MAGI2: variants seen among roughly 807,000 people sequenced by gnomAD.
MAGI2 encodes the protein membrane associated guanylate kinase, WW and PDZ domain containing 2.
In MAGI2, 35 loss-of-function variants were observed where a neutral mutation model predicts 133.3. The observed-to-expected ratio is 0.26, with a 90% CI of 0.20 to 0.35. The LOEUF (loss-of-function observed/expected upper bound fraction) is 0.35. MAGI2 is among the 10% of genes least tolerant of loss of function. The pLI is 1.00. For missense variants in MAGI2, 1,636 were observed against 1,863.4 expected, an observed-to-expected ratio of 0.88 and a Z score of 2.25; for synonymous variants, 729 against 710.6, an observed-to-expected ratio of 1.03 and a Z score of -0.41.
At chr7:79,364,543 G>C (rs1842571218) in intron 1 of MAGI2, among the ~76,000 whole-genome samples, 2 of 151,978 alleles carry the variant, frequency 1.3e-5, no homozygotes, top group African/African-American at 4.8e-5. Context: ...ATTAAAGCTT[G>C]CTACATAGCT....
chr7:79,452,835 C>T, intron 1 of MAGI2, 185 bp downstream of exon 1: 1 of 627,848 alleles, frequency 1.6e-6, no homozygotes, highest in South Asian at 2.2e-5. Flanking sequence ...CAACCTGCCC[C>T]TCCCCTCCCT....
intron 15 of MAGI2, among the ~76,000 whole-genome samples, chr7:78,164,537 C>A (rs976440408): frequency 1.3e-5 from 2 of 152,206 alleles, no homozygotes; most frequent in Admixed American, 6.5e-5. Context: ...AAATGGGTGA[C>A]ATGGTTGCAG....
intron 2 of MAGI2, among the ~76,000 whole-genome samples, chr7:78,857,346 T>A (rs1317279754): frequency 2.0e-5 from 3 of 152,178 alleles, no homozygotes; most frequent in African/African-American, 7.2e-5. Context: ...TCAAAGGGAA[T>A]GCTTCCAGTT....
At chr7:79,273,869 C>T (rs988882704) in intron 1 of MAGI2, among the ~76,000 whole-genome samples, 3 of 152,016 alleles carry the variant, frequency 2.0e-5, no homozygotes, top group Non-Finnish European at 4.4e-5. Flanking sequence ...TTATTACTAT[C>T]TGCTCTTGAG....
At chr7:78,995,165 C>T (rs1389486092) in intron 2 of MAGI2, among the ~76,000 whole-genome samples, 1 of 151,410 alleles carries the variant, frequency 6.6e-6, no homozygotes, top group Non-Finnish European at 1.5e-5. Flanking sequence ...CTAACAAAAG[C>T]TGATGAAAAA....
rs148580718 is a variant in MAGI2, at chr7:78,168,058, G to T, written c.2454C>A (p.Arg818=). 6.2e-7 allele frequency: 1 copy of T among 1,614,108 alleles called. No homozygotes were observed. Among genetic ancestry groups the T allele is most frequent in the South Asian group, 1.1e-5 (1 of 91,080 alleles). The change falls in exon 15 of 22, where the codon CGC becomes CGA. Residue 818 remains arginine, a synonymous_variant. Transcript: ENST00000354212. ...IAMGSADRDG[R]LHPGDELVYV... ...ACACAAGCTCATCTCCTGGGTGAAG[G>T]CGGCCATCTCTGTCGGCTGAGCCCA...
intron 1 of MAGI2, among the ~76,000 whole-genome samples, chr7:79,218,493 T>C (rs918540218): frequency 6.6e-6 from 1 of 152,020 alleles, no homozygotes; most frequent in African/African-American, 2.4e-5. Context: ...AACACAAATA[T>C]CGTCTCTGAA....
chr7:78,545,374 G>A (rs1418375758), intron 3 of MAGI2, among the ~76,000 whole-genome samples: 8 of 151,656 alleles, frequency 5.3e-5, no homozygotes, highest in South Asian at 2.1e-4. Context: ...CACCATGCCC[G>A]GCTAATTTTT....
At chr7:79,001,443 T>C (rs1156262729) in intron 2 of MAGI2, among the ~76,000 whole-genome samples, 2 of 152,196 alleles carry the variant, frequency 1.3e-5, no homozygotes, top group African/African-American at 4.8e-5. Flanking sequence ...CTTCTCCACA[T>C]TCTTTGGTAT....
chr7:78,461,401 T>TGTGTGTGC lies in MAGI2; in HGVS notation c.1045+28359_1045+28360insGCACACAC, dbSNP rs1454713668. ...CTGGACACGTGTGTGTGCGTGTGTGTGTGTGTGTGTGTGTGTGTGTGTGTT... is the reference window on the plus strand; with the variant it reads ...CTGGACACGTGTGTGTGCGTGTGTGTGTGTGTGCGTGTGTGTGTGTGTGTGTGTGTGTT... On this transcript the variant is annotated intron_variant, in intron 6 of 21. Coordinates refer to ENST00000354212, the MANE Select transcript of MAGI2 (RefSeq NM_012301.4). Among the ~76,000 whole-genome samples, 243 of 100,944 alleles carry TGTGTGTGC rather than the reference T, an allele frequency of 2.4e-3. 1 individual carries two copies. The highest frequency in any genetic ancestry group is 9.4e-3 in the Middle Eastern group (2 of 212). The allele number at this position is 100,944 out of a possible 152,430, so 66.2% of individuals were successfully genotyped here. A position where few individuals can be genotyped will look rare whatever the true frequency, so the allele number is the denominator to read the frequency against.
At chr7:79,056,926 T>C (rs1813198002) in intron 1 of MAGI2, among the ~76,000 whole-genome samples, 1 of 152,224 alleles carries the variant, frequency 6.6e-6, no homozygotes, top group Non-Finnish European at 1.5e-5. Flanking sequence ...TTGTTTTTTC[T>C]AGATATTTTC....
intron 6 of MAGI2, among the ~76,000 whole-genome samples, chr7:78,398,499 G>A (rs1308613850): frequency 6.6e-6 from 1 of 152,088 alleles, no homozygotes; most frequent in Non-Finnish European, 1.5e-5. Flanking sequence ...ACTTTAGACA[G>A]GTTTCTTCCT....
intron 2 of MAGI2, among the ~76,000 whole-genome samples, chr7:78,669,548 G>C (rs371217953): frequency 6.6e-6 from 1 of 151,948 alleles, no homozygotes; most frequent in Non-Finnish European, 1.5e-5. Context: ...AGAAAAAGAG[G>C]GAATCCTCCC....
intron 1 of MAGI2, among the ~76,000 whole-genome samples, chr7:79,348,626 T>C (rs1403326477): frequency 6.6e-6 from 1 of 151,844 alleles, no homozygotes; most frequent in African/African-American, 2.4e-5. Flanking sequence ...ACTATTTTTA[T>C]CTAAGTTTCT....
intron 6 of MAGI2, among the ~76,000 whole-genome samples, chr7:78,385,533 TTGC>T (rs969690717): frequency 1.3e-5 from 2 of 152,176 alleles, no homozygotes; most frequent in African/African-American, 4.8e-5. Flanking sequence ...TAAGGCATCA[TTGC>T]TGCTTATTAA....
intron 20 of MAGI2, among the ~76,000 whole-genome samples, chr7:78,115,977 C>G (rs117893534): frequency 0.024 from 3,584 of 152,246 alleles, 66 homozygotes; most frequent in Non-Finnish European, 0.033. Flanking sequence ...ATCCAATGAA[C>G]AAATCTATAC....
At chr7:79,161,463 T>C (rs914803263) in intron 1 of MAGI2, among the ~76,000 whole-genome samples, 1 of 152,076 alleles carries the variant, frequency 6.6e-6, no homozygotes, top group African/African-American at 2.4e-5. Flanking sequence ...TGCCTTGTGA[T>C]GGAATGTTAT....
chr7:78,653,077 A>G (rs1354652583), intron 2 of MAGI2, among the ~76,000 whole-genome samples: 1 of 152,216 alleles, frequency 6.6e-6, no homozygotes, highest in Non-Finnish European at 1.5e-5. Context: ...AATCAAAACC[A>G]CAATGAGATA....
At chr7:78,835,558 G>A (rs1791547734) in intron 2 of MAGI2, among the ~76,000 whole-genome samples, 2 of 152,176 alleles carry the variant, frequency 1.3e-5, no homozygotes, top group African/African-American at 4.8e-5. Context: ...AGCAGATGAG[G>A]TTGCTTAGGG....
Sources: gnomAD v4.1 joint callset for allele counts (sites outside exome capture counted in the v4.1 genomes callset) on GRCh38, gnomAD v4.1.1 for gene constraint, MANE v1.5 for transcripts, NCBI Gene and HGNC (gene_info 2026-07-23, HGNC 2026-07-21) for gene names.